The following IL1RAPL1 variants were observed in gnomAD, a reference collection of about 807,000 sequenced individuals.
IL1RAPL1 encodes interleukin 1 receptor accessory protein like 1, also known as interleukin-1 receptor accessory protein-like 1.
IL1RAPL1 carries 3 observed loss-of-function variants against 48.4 expected under a neutral mutation model. The observed-to-expected ratio is 0.06, with a 90% CI of 0.03 to 0.16. The LOEUF is 0.16. Among genes scored for constraint, IL1RAPL1 ranks in the 10% least tolerant of loss-of-function variants. IL1RAPL1 has a pLI of 1.00. For missense variants in IL1RAPL1, 349 were observed against 530.6 expected, an observed-to-expected ratio of 0.66 and a Z score of 3.36; for synonymous variants, 185 against 187.7, an observed-to-expected ratio of 0.99 and a Z score of 0.12.
At chrX:28,849,255 A>C (rs780871623) in intron 2 of IL1RAPL1, among the ~76,000 whole-genome samples, 16 of 111,576 alleles carry the variant, frequency 1.4e-4, no homozygotes, top group Non-Finnish European at 3.0e-4. Context: ...TATCTCAAAG[A>C]AGTACAATTG....
intron 7 of IL1RAPL1, among the ~76,000 whole-genome samples, chrX:29,918,144 A>AAAATATAT (rs1555935868): frequency 4.2e-5 from 1 of 23,767 alleles, no homozygotes; most frequent in Non-Finnish European, 6.6e-5. Context: ...AAAAAAAAAA[A>AAAATATAT]ATATATATAT....
At chrX:29,008,082 A>G (rs748789658) in intron 2 of IL1RAPL1, among the ~76,000 whole-genome samples, 23 of 111,329 alleles carry the variant, frequency 2.1e-4, no homozygotes, top group South Asian at 1.1e-3. Flanking sequence ...GCTCACTACA[A>G]TCTCTCCCTT....
At chrX:28,779,489 T>C (rs949614729) in intron 1 of IL1RAPL1, among the ~76,000 whole-genome samples, 4 of 107,701 alleles carry the variant, frequency 3.7e-5, no homozygotes, top group African/African-American at 1.3e-4. Flanking sequence ...TACTAAGCTC[T>C]GACTAGAATA....
At chrX:29,480,620 A>G (rs1205381058) in intron 5 of IL1RAPL1, among the ~76,000 whole-genome samples, 1 of 110,157 alleles carries the variant, frequency 9.1e-6, no homozygotes, top group Non-Finnish European at 1.9e-5. Flanking sequence ...TTTGGCGGGG[A>G]GAGGTAATGT....
At chrX:28,855,003 C>T (rs1921766944) in intron 2 of IL1RAPL1, among the ~76,000 whole-genome samples, 2 of 108,042 alleles carry the variant, frequency 1.9e-5, no homozygotes, top group African/African-American at 6.7e-5. Flanking sequence ...TTGACATGCA[C>T]AGCATCTTTT....
chrX:29,365,931 C>G (rs1201099422), intron 3 of IL1RAPL1, among the ~76,000 whole-genome samples: 1 of 103,742 alleles, frequency 9.6e-6, no homozygotes, highest in Non-Finnish European at 2.0e-5. Flanking sequence ...ATCCCAGCTA[C>G]TCGGGAGGCT....
At chrX:29,393,647 A>C (rs1333456111) in intron 3 of IL1RAPL1, among the ~76,000 whole-genome samples, 1 of 111,406 alleles carries the variant, frequency 9.0e-6, no homozygotes, top group Non-Finnish European at 1.9e-5. Context: ...TCTTGTGTCT[A>C]AACGATTTAT....
At chrX:29,329,993 G>T (rs1220491155) in intron 3 of IL1RAPL1, among the ~76,000 whole-genome samples, 1 of 110,882 alleles carries the variant, frequency 9.0e-6, no homozygotes, top group Non-Finnish European at 1.9e-5. Flanking sequence ...GCTGCTGCTG[G>T]TGGTGGTGGA....
At chrX:29,471,435 T>C (rs1226595257) in intron 5 of IL1RAPL1, among the ~76,000 whole-genome samples, 1 of 111,306 alleles carries the variant, frequency 9.0e-6, no homozygotes, top group Non-Finnish European at 1.9e-5. Flanking sequence ...CTAGTATATA[T>C]AGGAAGGGTA....
intron 6 of IL1RAPL1, among the ~76,000 whole-genome samples, chrX:29,911,685 T>C (rs2041257): frequency 1.8e-5 from 2 of 110,901 alleles, no homozygotes; most frequent in Admixed American, 9.6e-5. Context: ...TGCGGAATCA[T>C]ATTTTAGTAG....
At chrX:28,926,046 T>C (rs928084753) in intron 2 of IL1RAPL1, among the ~76,000 whole-genome samples, 1 of 112,301 alleles carries the variant, frequency 8.9e-6, no homozygotes, top group African/African-American at 3.2e-5. Flanking sequence ...ATTCTGTAGC[T>C]AAGCTGTTCA....
chrX:29,579,836 C>A (rs1432677532), intron 5 of IL1RAPL1, among the ~76,000 whole-genome samples: 1 of 111,859 alleles, frequency 8.9e-6, no homozygotes, highest in East Asian at 2.8e-4. Context: ...TGAGAGAAAT[C>A]TATGAGAATA....
intron 2 of IL1RAPL1, among the ~76,000 whole-genome samples, chrX:29,025,209 C>T (rs889812270): frequency 1.8e-5 from 2 of 112,227 alleles, no homozygotes; most frequent in African/African-American, 3.2e-5. Flanking sequence ...CTTCAGTTAA[C>T]ATTCATTTAG....
intron 6 of IL1RAPL1, among the ~76,000 whole-genome samples, chrX:29,857,247 A>G (rs1931493955): frequency 9.0e-6 from 1 of 111,662 alleles, no homozygotes; most frequent in South Asian, 3.7e-4. Context: ...GAGAACATTA[A>G]AGGAACTGCC....
chrX:29,539,153 A>C (rs934828277), intron 5 of IL1RAPL1, among the ~76,000 whole-genome samples: 4 of 111,853 alleles, frequency 3.6e-5, no homozygotes, highest in African/African-American at 6.5e-5. Context: ...ATAGACGCAG[A>C]AATCCTCAAC....
intron 2 of IL1RAPL1, among the ~76,000 whole-genome samples, chrX:29,226,876 A>G (rs2147554317): frequency 8.9e-6 from 1 of 112,281 alleles, no homozygotes; most frequent in East Asian, 2.8e-4. Flanking sequence ...GGATATGCCA[A>G]AACTGTAGCA....
chrX:28,977,329 T>C (rs954599342), intron 2 of IL1RAPL1, among the ~76,000 whole-genome samples: 5 of 112,131 alleles, frequency 4.5e-5, no homozygotes, highest in Non-Finnish European at 9.4e-5. Context: ...CTTATAATCA[T>C]GGCAGAAGGC....
chrX:29,794,692 A>G (rs765143919), intron 6 of IL1RAPL1, among the ~76,000 whole-genome samples: 2 of 112,039 alleles, frequency 1.8e-5, no homozygotes, highest in East Asian at 5.6e-4. Flanking sequence ...TCTGAGTTAC[A>G]TCAGGGACAG....
chrX:28,858,879 ATTTG>A (rs1345914617), intron 2 of IL1RAPL1, among the ~76,000 whole-genome samples: 3 of 112,549 alleles, frequency 2.7e-5, no homozygotes, highest in African/African-American at 9.7e-5. Flanking sequence ...CAGAAGATAC[ATTTG>A]TTTGTTGTCT....
Sources: gnomAD v4.1 joint callset for allele counts (sites outside exome capture counted in the v4.1 genomes callset) on GRCh38, gnomAD v4.1.1 for gene constraint, MANE v1.5 for transcripts, NCBI Gene and HGNC (gene_info 2026-07-23, HGNC 2026-07-21) for gene names.